Variants in LAMA3 observed in about 807,000 individuals in gnomAD.
LAMA3 encodes the protein laminin subunit alpha 3, also known as laminin subunit alpha-3.
Under a neutral mutation model 402.0 loss-of-function variants are expected in LAMA3, and 281 were observed. The ratio of observed to expected loss-of-function variants is 0.70; its 90% CI spans 0.63 to 0.77. LAMA3 has a LOEUF of 0.77. Ranked by LOEUF, LAMA3 falls within the 30% of genes least tolerant of loss-of-function variation. LAMA3 has a pLI of 0.00. For missense variants in LAMA3, 3,840 were observed against 4,215.5 expected (o/e 0.91, Z 2.47); for synonymous variants, 1,431 against 1,558.4 (o/e 0.92, Z 1.93).
At chr18:23,749,360 G>C in intron 3 of LAMA3, 68 bp from the exon 4 acceptor site, 2 of 837,870 alleles carry the variant, frequency 2.4e-6, no homozygotes, top group South Asian at 3.2e-5. Flanking sequence ...GAAACATAAG[G>C]CTTCTTAAGA....
At chr18:23,936,726 C>T (rs1041079186) in intron 67 of LAMA3, among the ~76,000 whole-genome samples, 1 of 152,074 alleles carries the variant, frequency 6.6e-6, no homozygotes, top group Non-Finnish European at 1.5e-5. Context: ...CCCAGAAGCA[C>T]AAGAAGAACA....
At chr18:23,954,205 C>G (rs993636083) in intron 74 of LAMA3, among the ~76,000 whole-genome samples, 1 of 151,898 alleles carries the variant, frequency 6.6e-6, no homozygotes, top group African/African-American at 2.4e-5. Flanking sequence ...AGTTCAAGAC[C>G]AGCCTGGGCA....
At chr18:23,890,147 G>T (rs2080608322) in intron 42 of LAMA3, 30 bp downstream of exon 42, 3 of 1,421,988 alleles carry the variant, frequency 2.1e-6, no homozygotes, top group African/African-American at 2.8e-5. Flanking sequence ...CTGCTAACTT[G>T]CATTTATAAA....
chr18:23,733,197 T>A (rs2061421082), intron 2 of LAMA3, among the ~76,000 whole-genome samples: 1 of 152,144 alleles, frequency 6.6e-6, no homozygotes, highest in Non-Finnish European at 1.5e-5. Context: ...AAGATTAGGG[T>A]ATCCCTGATA....
intron 9 of LAMA3, among the ~76,000 whole-genome samples, chr18:23,774,100 G>A (rs931053546): frequency 8.5e-5 from 13 of 152,134 alleles, no homozygotes; most frequent in East Asian, 1.9e-4. Flanking sequence ...GTGCTCACCC[G>A]TAATCCTAGT....
intron 1 of LAMA3, among the ~76,000 whole-genome samples, chr18:23,701,337 G>C (rs1245028357): frequency 6.6e-6 from 1 of 152,202 alleles, no homozygotes; most frequent in Non-Finnish European, 1.5e-5. Context: ...GAGCGGGCAA[G>C]TGGTCAGAAG....
intron 17 of LAMA3, among the ~76,000 whole-genome samples, chr18:23,816,067 A>T (rs2144343169): frequency 6.6e-6 from 1 of 152,284 alleles, no homozygotes; most frequent in Admixed American, 6.5e-5. Context: ...TTTGCATTGG[A>T]CAACAGCATT....
chr18:23,713,493 G>T (rs2061035708), intron 1 of LAMA3, among the ~76,000 whole-genome samples: 1 of 152,228 alleles, frequency 6.6e-6, no homozygotes, highest in Non-Finnish European at 1.5e-5. Context: ...GCACCACTGG[G>T]ACTGTGGGGA....
chr18:23,818,830 C>CATT (rs2063227481), intron 18 of LAMA3, among the ~76,000 whole-genome samples: 1 of 151,996 alleles, frequency 6.6e-6, no homozygotes, highest in Non-Finnish European at 1.5e-5. Context: ...TTCCTATTAT[C>CATT]ATTAGCCTTC....
At chr18:23,783,549 G>A (rs940154756) in intron 11 of LAMA3, among the ~76,000 whole-genome samples, 6 of 152,206 alleles carry the variant, frequency 3.9e-5, no homozygotes, top group Non-Finnish European at 8.8e-5. Flanking sequence ...GAAGCAGCCT[G>A]GCTGTGGGGA....
At chr18:23,864,398 T>A (rs2064301100) in intron 35 of LAMA3, among the ~76,000 whole-genome samples, 1 of 152,194 alleles carries the variant, frequency 6.6e-6, no homozygotes, top group South Asian at 2.1e-4. Context: ...GACTAATTTT[T>A]AAATATTTTT....
At chr18:23,737,707 G>A (rs1459848957) in intron 2 of LAMA3, among the ~76,000 whole-genome samples, 10 of 152,238 alleles carry the variant, frequency 6.6e-5, no homozygotes, top group Admixed American at 6.5e-4. Context: ...CCCTGCCCTG[G>A]CCCACAGCAG....
In LAMA3 at chr18:23,764,005, A is replaced by C. The variant is rs576775518; in HGVS notation, c.1182+482A>C. Reference sequence around the variant, plus strand: ...TTCCTTCTGTAGGACAACTGGTTTCACTGGAATTTAGTTAAGGGAGTGTAT... The same window carrying C: ...TTCCTTCTGTAGGACAACTGGTTTCCCTGGAATTTAGTTAAGGGAGTGTAT... On this transcript the variant is annotated intron_variant, in intron 8 of 74. Coordinates refer to ENST00000313654, the MANE Select transcript of LAMA3 (RefSeq NM_198129.4). 9.2e-5 allele frequency among the ~76,000 whole-genome samples: 14 copies of C among 152,318 alleles called. No individual in the cohort carries two copies. The South Asian group carries it at 2.5e-3, about 27-fold the overall frequency.
In LAMA3 at chr18:23,813,111, G is replaced by A. The variant is rs537428333; in HGVS notation, c.1788+8G>A. On this transcript the variant is annotated splice_region_variant and intron_variant, in intron 14 of 74. Coordinates refer to ENST00000313654, the MANE Select transcript of LAMA3 (RefSeq NM_198129.4). ...ACCATCAACTCCAATTTGGTAAGTA[G>A]ACTATAAAAGGGTTGCAATTCTAAC... 6.3e-7 allele frequency: 1 copy of A among 1,587,096 alleles called. No homozygotes were observed. The highest frequency in any genetic ancestry group is 1.7e-5 in the Admixed American group (1 of 59,984).
intron 62 of LAMA3, among the ~76,000 whole-genome samples, chr18:23,927,407 G>C (rs2082034246): frequency 6.6e-6 from 1 of 152,160 alleles, no homozygotes; most frequent in South Asian, 2.1e-4. Flanking sequence ...GACCTCAAGT[G>C]ATCCACCTGA....
At chr18:23,917,546 T>C (rs1320501286) in intron 60 of LAMA3, among the ~76,000 whole-genome samples, 1 of 152,216 alleles carries the variant, frequency 6.6e-6, no homozygotes, top group African/African-American at 2.4e-5. Flanking sequence ...TTTTTGACTT[T>C]TTCATAATTC....
At position 23,903,918 on chromosome 18, in the gene LAMA3, A is replaced by T. The variant is rs774563675; in HGVS notation, c.6319-15A>T. 2 of 1,599,696 alleles carry T rather than the reference A, an allele frequency of 1.3e-6. No homozygotes were observed. The highest frequency in any genetic ancestry group is 1.7e-6 in the Non-Finnish European group (2 of 1,167,674). On this transcript the variant is annotated splice_polypyrimidine_tract_variant and intron_variant, in intron 49 of 74. Coordinates refer to ENST00000313654, the MANE Select transcript of LAMA3 (RefSeq NM_198129.4). Reference sequence around the variant, plus strand: ...CCTTGAATTTATACTGTCTTTGTTTATTTGGAAAAAATAGGAATATGAAAA... The same window carrying T: ...CCTTGAATTTATACTGTCTTTGTTTTTTTGGAAAAAATAGGAATATGAAAA...
chr18:23,842,550 C>T (rs1444924229), intron 28 of LAMA3, 29 bp downstream of exon 28: 1 of 1,614,228 alleles, frequency 6.2e-7, no homozygotes, highest in South Asian at 1.1e-5. Flanking sequence ...GCCCTGCTGC[C>T]TGCCTCAGGC....
intron 8 of LAMA3, among the ~76,000 whole-genome samples, chr18:23,764,153 A>G (rs2062029819): frequency 6.6e-6 from 1 of 152,176 alleles, no homozygotes; most frequent in African/African-American, 2.4e-5. Context: ...GTTACCACTG[A>G]AGAGGCGTTC....
Sources: gnomAD v4.1 joint callset for allele counts (sites outside exome capture counted in the v4.1 genomes callset) on GRCh38, gnomAD v4.1.1 for gene constraint, MANE v1.5 for transcripts, NCBI Gene and HGNC (gene_info 2026-07-23, HGNC 2026-07-21) for gene names.